CYB5R4: variants seen among roughly 807,000 people sequenced by gnomAD.
CYB5R4 encodes the protein cytochrome b5 reductase 4.
A neutral mutation model predicts 70.2 loss-of-function variants in CYB5R4; 55 were observed. That is an observed-to-expected ratio of 0.78 (90% CI 0.63 to 0.98). The LOEUF is 0.98. Ranked by LOEUF, CYB5R4 falls within the 50% of genes least tolerant of loss-of-function variation. The pLI is 0.00. For synonymous variants in CYB5R4, 197 were observed against 199.5 expected (o/e 0.99, Z 0.11); for missense variants, 562 against 612.6 (o/e 0.92, Z 0.87).
At chr6:83,947,377 C>A (rs2099470786) in intron 14 of CYB5R4, among the ~76,000 whole-genome samples, 1 of 152,142 alleles carries the variant, frequency 6.6e-6, no homozygotes, top group African/African-American at 2.4e-5. Context: ...AAACTGGACC[C>A]TTCCTTACAC....
chr6:83,957,281 T>C (rs2099472562), intron 15 of CYB5R4, among the ~76,000 whole-genome samples: 1 of 152,156 alleles, frequency 6.6e-6, no homozygotes, highest in Admixed American at 6.5e-5. Context: ...TTCTGCTATT[T>C]TAGAAGTATC....
chr6:83,872,556 A>G (rs2099457796), intron 2 of CYB5R4, among the ~76,000 whole-genome samples: 1 of 152,238 alleles, frequency 6.6e-6, no homozygotes, highest in African/African-American at 2.4e-5. Flanking sequence ...GGCTCAGACC[A>G]AGTCCCCAGG....
At chr6:83,938,703 G>A (rs982375842) in intron 12 of CYB5R4, among the ~76,000 whole-genome samples, 2 of 152,172 alleles carry the variant, frequency 1.3e-5, no homozygotes, top group Non-Finnish European at 2.9e-5. Flanking sequence ...GGAAAGACTG[G>A]GCTGTGGGTA....
At chr6:83,922,991 C>T (rs552554199) in intron 9 of CYB5R4, among the ~76,000 whole-genome samples, 1 of 151,660 alleles carries the variant, frequency 6.6e-6, no homozygotes, top group South Asian at 2.1e-4. Context: ...CACATGTGGC[C>T]CCGACTGGCC....
chr6:83,866,076 T>G (rs186074128), intron 2 of CYB5R4, among the ~76,000 whole-genome samples: 1 of 152,300 alleles, frequency 6.6e-6, no homozygotes, highest in African/African-American at 2.4e-5. Flanking sequence ...TAGGGTGAAG[T>G]CAAGATTAAT....
chr6:83,908,844 T>A (rs2099464238), intron 3 of CYB5R4, among the ~76,000 whole-genome samples, 165 bp from the exon 4 acceptor site: 1 of 152,248 alleles, frequency 6.6e-6, no homozygotes, highest in Admixed American at 6.5e-5. Flanking sequence ...AATCTCTATC[T>A]GTGCAGCCTT....
rs1357622254 is a variant in CYB5R4, at chr6:83,940,205, A to C, written c.1258A>C (p.Arg420=). 2 of 1,599,320 alleles carry C rather than the reference A, an allele frequency of 1.3e-6. 1 individual carries two copies. The highest frequency in any genetic ancestry group is 2.3e-5 in the South Asian group (2 of 88,440). Residue 420 remains arginine (R), a splice_region_variant and synonymous_variant, in exon 13 of 16, where the codon AGG becomes CGG. Coordinates refer to ENST00000369681, the MANE Select transcript of CYB5R4 (RefSeq NM_016230.4). ...TGCTTTGACTGATATACCCAGTCTCAGGTATGTAATTTTGTCTCTAATTAC... is the reference window on the plus strand; with the variant it reads ...TGCTTTGACTGATATACCCAGTCTCCGGTATGTAATTTTGTCTCTAATTAC... ...NYALTDIPSL[R]KVKLMFFNKT...
At chr6:83,886,842 G>T (rs2099460323) in intron 2 of CYB5R4, among the ~76,000 whole-genome samples, 1 of 152,064 alleles carries the variant, frequency 6.6e-6, no homozygotes, top group Admixed American at 6.6e-5. Flanking sequence ...TGCCTCTGTT[G>T]GCTTTGGCTG....
intron 3 of CYB5R4, among the ~76,000 whole-genome samples, chr6:83,906,798 C>G (rs1035753891): frequency 6.6e-6 from 1 of 152,160 alleles, no homozygotes; most frequent in Non-Finnish European, 1.5e-5. Flanking sequence ...TACATACTTA[C>G]TATTTTAGTG....
At chr6:83,949,877 T>C (rs1323938884) in intron 14 of CYB5R4, among the ~76,000 whole-genome samples, 2 of 152,316 alleles carry the variant, frequency 1.3e-5, no homozygotes, top group East Asian at 3.9e-4. Context: ...ACAGAATCAT[T>C]TGGACATGGG....
chr6:83,881,766 A>G (rs2099459475), intron 2 of CYB5R4, among the ~76,000 whole-genome samples: 2 of 152,122 alleles, frequency 1.3e-5, no homozygotes, highest in Admixed American at 1.3e-4. Context: ...CCATTTTAGA[A>G]AGTTTTCAGC....
At chr6:83,898,317 G>A (rs1408680307) in intron 3 of CYB5R4, among the ~76,000 whole-genome samples, 2 of 151,920 alleles carry the variant, frequency 1.3e-5, no homozygotes, top group Non-Finnish European at 2.9e-5. Context: ...TGTTCCATTG[G>A]TCTATATCTC....
intron 14 of CYB5R4, among the ~76,000 whole-genome samples, chr6:83,952,067 G>A (rs1418409439): frequency 1.3e-5 from 2 of 152,132 alleles, no homozygotes; most frequent in African/African-American, 4.8e-5. Context: ...TGTTGTTAGT[G>A]TCATTATTTT....
chr6:83,955,148 T>G, intron 14 of CYB5R4, 150 bp from the exon 15 acceptor site: 1 of 597,894 alleles, frequency 1.7e-6, no homozygotes, highest in Non-Finnish European at 2.7e-6. Flanking sequence ...TGTTAAATCT[T>G]ACAATTTTTT....
chr6:83,873,366 A>G (rs1296260602), intron 2 of CYB5R4, among the ~76,000 whole-genome samples: 2 of 150,758 alleles, frequency 1.3e-5, no homozygotes, highest in Admixed American at 6.6e-5. Context: ...CAGCCTCCCA[A>G]GTAGCTGGGA....
intron 2 of CYB5R4, among the ~76,000 whole-genome samples, chr6:83,870,444 T>A (rs1588558867): frequency 1.0e-5 from 1 of 99,724 alleles, no homozygotes; most frequent in African/African-American, 1.0e-4. Flanking sequence ...TATCTAACCG[T>A]TTTTTTTTTT....
chr6:83,939,644 T>C (rs548057319), intron 12 of CYB5R4, among the ~76,000 whole-genome samples: 2 of 152,340 alleles, frequency 1.3e-5, no homozygotes, highest in Admixed American at 6.5e-5. Context: ...ATCTGTTCTT[T>C]ACTCTGTACC....
intron 12 of CYB5R4, among the ~76,000 whole-genome samples, chr6:83,936,851 T>G (rs1229147840): frequency 1.3e-5 from 2 of 152,258 alleles, no homozygotes; most frequent in Non-Finnish European, 2.9e-5. Flanking sequence ...GCTTCATATC[T>G]TGCTATACAA....
chr6:83,946,422 A>G (rs2099470618), intron 14 of CYB5R4, among the ~76,000 whole-genome samples: 1 of 152,226 alleles, frequency 6.6e-6, no homozygotes, highest in South Asian at 2.1e-4. Flanking sequence ...AACATATCTT[A>G]AAGTAATAAG....
Sources: gnomAD v4.1 joint callset for allele counts (sites outside exome capture counted in the v4.1 genomes callset) on GRCh38, gnomAD v4.1.1 for gene constraint, MANE v1.5 for transcripts, NCBI Gene and HGNC (gene_info 2026-07-23, HGNC 2026-07-21) for gene names.